The following PPP2R2D variants were observed in gnomAD, a reference collection of about 807,000 sequenced individuals.
PPP2R2D encodes the protein protein phosphatase 2 regulatory subunit Bdelta.
Under a neutral mutation model 31.1 loss-of-function variants are expected in PPP2R2D, and 9 were observed. That is an observed-to-expected ratio of 0.29 (90% CI 0.17 to 0.51). The LOEUF (loss-of-function observed/expected upper bound fraction) is 0.51, where lower values mean the gene tolerates loss of function less well. PPP2R2D is among the 20% of genes least tolerant of loss of function. The pLI is 0.98. For synonymous variants in PPP2R2D, 179 were observed against 172.6 expected, an observed-to-expected ratio of 1.04 and a Z score of -0.29; for missense variants, 391 against 465.6, an observed-to-expected ratio of 0.84 and a Z score of 1.48.
At chr10:131,962,049 G>A (rs960520289), downstream of PPP2R2D, among the ~76,000 whole-genome samples, 4 of 152,164 alleles carry the variant, frequency 2.6e-5, no homozygotes, top group Non-Finnish European at 5.9e-5. Flanking sequence ...CCGGTGCCCG[G>A]GACTCTGCTT....
rs1490331386 is a variant in PPP2R2D at position 131,945,894 on chromosome 10, G to C, written c.820+435G>C. 2.5e-5 allele frequency: 4 copies of C among 159,076 alleles called. No homozygotes were observed. The highest frequency in any genetic ancestry group is 9.6e-5 in the African/African-American group (4 of 41,594). 9.9% of individuals were successfully genotyped at this position (159,076 alleles called of 1,614,324 possible). ...GCTGGGGCCGTCCGAGTGTGGCTGT[G>C]TCAGAGGCTGCTGCTAATAAGTGGA... On this transcript the variant is annotated intron_variant, in intron 7 of 8. Coordinates refer to ENST00000455566, the MANE Select transcript of PPP2R2D (RefSeq NM_018461.5). The surrounding 1 kb of genome is among the most constrained non-coding windows in gnomAD (Gnocchi z 4.8).
downstream of PPP2R2D, among the ~76,000 whole-genome samples, chr10:131,960,575 T>C (rs1461022461): frequency 3.0e-4 from 45 of 152,116 alleles, no homozygotes; most frequent in Admixed American, 6.5e-5. Context: ...ATCATCACCA[T>C]CAGTGCCAGA....
At chr10:131,928,123 G>A (rs938630020) in intron 2 of PPP2R2D, among the ~76,000 whole-genome samples, 1 of 152,204 alleles carries the variant, frequency 6.6e-6, no homozygotes, top group Non-Finnish European at 1.5e-5. Context: ...TGACATTGCA[G>A]GGTGGCTTGT....
the PPP2R2D span, chr10:131,968,536 G>A: frequency 1.2e-6 from 2 of 1,600,962 alleles, no homozygotes; most frequent in Admixed American, 3.3e-5. Context: ...AAAAGGTGCT[G>A]GTGGAGGTTG....
chr10:131,918,094 G>T (rs1554893521), intron 2 of PPP2R2D, among the ~76,000 whole-genome samples: 1 of 149,320 alleles, frequency 6.7e-6, no homozygotes, highest in Non-Finnish European at 1.5e-5. Flanking sequence ...CACAGTGTTT[G>T]TAGGGACCTC....
At chr10:131,946,023 A>C (rs372734497) in intron 7 of PPP2R2D, 4 of 151,542 alleles carry the variant, frequency 2.6e-5, no homozygotes, top group African/African-American at 9.7e-5. Flanking sequence ...GTGTCTCCTC[A>C]GAGGCTGCCA....
At chr10:131,927,270 G>GGAGTGGGGTGT (rs1254763631) in intron 2 of PPP2R2D, among the ~76,000 whole-genome samples, 19 of 152,022 alleles carry the variant, frequency 1.2e-4, no homozygotes, top group Admixed American at 1.2e-3. Flanking sequence ...AATGAAGGAA[G>GGAGTGGGGTGT]GAGAAACTCT....
intron 2 of PPP2R2D, among the ~76,000 whole-genome samples, chr10:131,926,401 A>G (rs2036106128): frequency 6.6e-6 from 1 of 151,928 alleles, no homozygotes; most frequent in East Asian, 1.9e-4. Flanking sequence ...CTTCCAGCTG[A>G]GCGCAGTGGC....
downstream of PPP2R2D, chr10:131,959,914 C>T (rs577662847): frequency 6.6e-6 from 1 of 152,280 alleles, no homozygotes; most frequent in Admixed American, 6.5e-5. Flanking sequence ...TCCTCCACCC[C>T]CAGGGCAGAG....
At chr10:131,929,561 A>G (rs954268670) in intron 2 of PPP2R2D, among the ~76,000 whole-genome samples, 46 of 152,000 alleles carry the variant, frequency 3.0e-4, no homozygotes, top group Admixed American at 2.9e-3. Flanking sequence ...GGCTCTCCAC[A>G]TCGCCCGTGT....
At chr10:131,964,511 C>T (rs556400359), downstream of PPP2R2D, among the ~76,000 whole-genome samples, 20 of 152,260 alleles carry the variant, frequency 1.3e-4, no homozygotes, top group South Asian at 1.7e-3. Flanking sequence ...AACCCAAACC[C>T]AGCAAGCCCA....
intron 2 of PPP2R2D, among the ~76,000 whole-genome samples, chr10:131,908,109 A>G (rs1455653100): frequency 6.6e-6 from 1 of 152,222 alleles, no homozygotes; most frequent in Non-Finnish European, 1.5e-5. Flanking sequence ...CTTGTATTTT[A>G]AAGTATTGGG....
chr10:131,901,744 C>T (rs888404270), intron 2 of PPP2R2D, among the ~76,000 whole-genome samples: 181 of 152,258 alleles, frequency 1.2e-3, no homozygotes, highest in Non-Finnish European at 2.2e-3. Context: ...GGCACAATGG[C>T]CCAGAGGCTG....
At chr10:131,907,198 A>G (rs961344602) in intron 2 of PPP2R2D, among the ~76,000 whole-genome samples, 1 of 149,390 alleles carries the variant, frequency 6.7e-6, no homozygotes, top group African/African-American at 2.4e-5. Flanking sequence ...ATTCATTTAT[A>G]TTTTTTTTTT....
At chr10:131,939,643 A>G (rs4364981) in intron 3 of PPP2R2D, 58,546 of 111,872 alleles carry the variant, frequency 0.52, 17,572 homozygotes, top group East Asian at 0.62. Context: ...GGCTGCATTC[A>G]GCAGACCTGC....
chr10:131,947,461 T>C lies in PPP2R2D; in HGVS notation c.821-69T>C. On this transcript the variant is annotated intron_variant, in intron 7 of 8. Coordinates refer to ENST00000455566, the MANE Select transcript of PPP2R2D (RefSeq NM_018461.5). The surrounding 1 kb of genome is among the most constrained non-coding windows in gnomAD (Gnocchi z 4.3). Reference sequence around the variant, plus strand: ...TCTCTCTGAAGGGGCCACTTCCTACTTGAACTTGAAAATGATTTGTTCTCT... The same window carrying C: ...TCTCTCTGAAGGGGCCACTTCCTACCTGAACTTGAAAATGATTTGTTCTCT... The C allele has an allele frequency of 6.6e-7, 1 of 1,526,134 alleles. No homozygotes were observed. Among genetic ancestry groups the C allele is most frequent in the South Asian group, 1.2e-5 (1 of 80,566 alleles). The allele number at this position is 1,526,134 out of a possible 1,614,324, so 94.5% of individuals were successfully genotyped here. A position where few individuals can be genotyped will look rare whatever the true frequency, so the allele number is the denominator to read the frequency against.
downstream of PPP2R2D, among the ~76,000 whole-genome samples, chr10:131,963,205 G>T (rs575805414): frequency 6.6e-6 from 1 of 152,312 alleles, no homozygotes; most frequent in Admixed American, 6.5e-5. Flanking sequence ...GTCTGTTCCA[G>T]GAGGATGGGA....
intron 2 of PPP2R2D, among the ~76,000 whole-genome samples, chr10:131,902,726 T>C (rs1237700299): frequency 2.6e-5 from 4 of 152,226 alleles, no homozygotes; most frequent in Non-Finnish European, 5.9e-5. Context: ...GAGGGCTTAA[T>C]GCTTGCCTTA....
In PPP2R2D at chr10:131,933,647, T is replaced by C. The variant is rs895718168; in HGVS notation, c.101-811T>C. The stretch of plus-strand genomic sequence containing the variant: ...AGCCAGCCTCCTCCAGAGTCTGTCA[T>C]GGAACTCCCCCTGAAAACAGAAAAT... On this transcript the variant is annotated intron_variant, in intron 2 of 8. Coordinates refer to ENST00000455566, the MANE Select transcript of PPP2R2D (RefSeq NM_018461.5). Among the ~76,000 whole-genome samples the C allele has an allele frequency of 4.6e-5, 7 of 152,010 alleles. No individual in the cohort carries two copies. The East Asian group carries it at 1.3e-3, about 29-fold the overall frequency.
Sources: gnomAD v4.1 joint callset for allele counts (sites outside exome capture counted in the v4.1 genomes callset) on GRCh38, gnomAD v4.1.1 for gene constraint, Gnocchi (gnomAD v3.1) non-coding constraint, MANE v1.5 for transcripts, NCBI Gene and HGNC (gene_info 2026-07-23, HGNC 2026-07-21) for gene names.